Variants in TRIO observed in about 807,000 individuals in gnomAD.
TRIO encodes trio Rho guanine nucleotide exchange factor, also known as triple functional domain protein.
TRIO carries 58 observed loss-of-function variants against 351.9 expected under a neutral mutation model. The ratio of observed to expected loss-of-function variants is 0.16; its 90% CI spans 0.13 to 0.21. The LOEUF is 0.21. Among genes scored for constraint, TRIO ranks in the 10% least tolerant of loss-of-function variants. The pLI, the probability that TRIO is intolerant of heterozygous loss-of-function variation, is 1.00. For missense variants in TRIO, 3,201 were observed against 4,027.8 expected (o/e 0.79, Z 5.56); for synonymous variants, 1,758 against 1,595.7 (o/e 1.10, Z -2.42).
chr5:14,183,875 A>T, intron 1 of TRIO: 1 of 684,944 alleles, frequency 1.5e-6, no homozygotes, highest in East Asian at 2.8e-5. Context: ...TTTGGCAGAT[A>T]GTGACTGTTT....
At chr5:14,169,060 A>C (rs1788947180) in intron 1 of TRIO, among the ~76,000 whole-genome samples, 1 of 152,092 alleles carries the variant, frequency 6.6e-6, no homozygotes, top group Non-Finnish European at 1.5e-5. Flanking sequence ...TTGCTTTTTA[A>C]TTGGGTTATT....
intron 8 of TRIO, among the ~76,000 whole-genome samples, chr5:14,305,415 G>C (rs761080158): frequency 9.8e-5 from 15 of 152,290 alleles, no homozygotes; most frequent in Non-Finnish European, 1.9e-4. Flanking sequence ...GAAGGCGAGG[G>C]GTGTAGAGAG....
At chr5:14,252,249 T>C (rs1794787586) in intron 1 of TRIO, among the ~76,000 whole-genome samples, 1 of 152,244 alleles carries the variant, frequency 6.6e-6, no homozygotes, top group Non-Finnish European at 1.5e-5. Flanking sequence ...CAGTTGCTTT[T>C]CCTTCCTGAT....
intron 9 of TRIO, among the ~76,000 whole-genome samples, chr5:14,324,922 C>T (rs1740231757): frequency 1.3e-5 from 2 of 152,050 alleles, no homozygotes. Context: ...ATGTAAGTAC[C>T]CTCAGGTTAG....
At chr5:14,187,967 G>T (rs1309366519) in intron 1 of TRIO, among the ~76,000 whole-genome samples, 1 of 152,200 alleles carries the variant, frequency 6.6e-6, no homozygotes, top group Non-Finnish European at 1.5e-5. Flanking sequence ...AGACCCTGCT[G>T]TATTAAATGT....
chr5:14,187,531 A>G (rs1467802163), intron 1 of TRIO, among the ~76,000 whole-genome samples: 1 of 152,150 alleles, frequency 6.6e-6, no homozygotes, highest in Non-Finnish European at 1.5e-5. Flanking sequence ...TTTGAAAACC[A>G]TTGTACCGAG....
chr5:14,415,104 T>G (rs988777251), intron 33 of TRIO, among the ~76,000 whole-genome samples: 2 of 152,184 alleles, frequency 1.3e-5, no homozygotes, highest in Non-Finnish European at 1.5e-5. Context: ...TGAACTGTAG[T>G]GGGCTGTAGG....
chr5:14,152,575 T>G (rs907943180), intron 1 of TRIO, among the ~76,000 whole-genome samples: 6 of 152,202 alleles, frequency 3.9e-5, no homozygotes, highest in African/African-American at 1.2e-4. Context: ...TTTCACCATC[T>G]TGGCCAGGCT....
intron 1 of TRIO, among the ~76,000 whole-genome samples, chr5:14,244,710 A>G (rs1447249590): frequency 1.3e-5 from 2 of 152,226 alleles, no homozygotes; most frequent in Non-Finnish European, 2.9e-5. Context: ...CGTAGCCCAC[A>G]GCGGCAAGAA....
chr5:14,167,490 A>G (rs1232195816), intron 1 of TRIO, among the ~76,000 whole-genome samples: 5 of 152,214 alleles, frequency 3.3e-5, no homozygotes, highest in Non-Finnish European at 5.9e-5. Context: ...GATTGTTTCT[A>G]TAAAGCAGGA....
chr5:14,291,703 C>T (rs533802278), intron 5 of TRIO, among the ~76,000 whole-genome samples: 5 of 147,688 alleles, frequency 3.4e-5, no homozygotes, highest in African/African-American at 7.6e-5. Flanking sequence ...GCAGGAGAAT[C>T]GCTTGAACCC....
At chr5:14,166,313 G>A (rs143624664) in intron 1 of TRIO, among the ~76,000 whole-genome samples, 2 of 152,188 alleles carry the variant, frequency 1.3e-5, no homozygotes, top group East Asian at 3.9e-4. Flanking sequence ...ACTTAGTGGG[G>A]TCTCTTGACA....
intron 2 of TRIO, among the ~76,000 whole-genome samples, chr5:14,278,759 T>C (rs570406579): frequency 1.5e-3 from 235 of 152,324 alleles, no homozygotes; most frequent in African/African-American, 5.3e-3. Context: ...AGAAGATCAG[T>C]TGATAATGAG....
intron 36 of TRIO, 70 bp from the exon 37 acceptor site, chr5:14,465,475 A>G (rs1754182803): frequency 6.8e-7 from 1 of 1,468,662 alleles, no homozygotes; most frequent in Admixed American, 1.7e-5. Context: ...TTGCAGGGGA[A>G]TTTACTGTCT....
chr5:14,281,424 A>ACCCCCCCCCCCCCCCCCCCCCC (rs3061076), intron 3 of TRIO, among the ~76,000 whole-genome samples: 2 of 89,334 alleles, frequency 2.2e-5, no homozygotes, highest in African/African-American at 9.4e-5. Context: ...AGCCGTTAGA[A>ACCCCCCCCCCCCCCCCCCCCCC]CCCCCCCCCC....
intron 1 of TRIO, among the ~76,000 whole-genome samples, chr5:14,201,808 G>T (rs1791127143): frequency 1.3e-5 from 2 of 152,060 alleles, no homozygotes; most frequent in Admixed American, 6.6e-5. Flanking sequence ...AAAAATCTGG[G>T]CCCCAAGAAA....
At chr5:14,327,901 G>T (rs1167425262) in intron 9 of TRIO, among the ~76,000 whole-genome samples, 1 of 152,240 alleles carries the variant, frequency 6.6e-6, no homozygotes, top group East Asian at 1.9e-4. Flanking sequence ...GAATGGACCT[G>T]TGTTTTATAA....
chr5:14,215,286 A>G (rs1319816753), intron 1 of TRIO, among the ~76,000 whole-genome samples: 2 of 152,236 alleles, frequency 1.3e-5, no homozygotes, highest in African/African-American at 2.4e-5. Flanking sequence ...AGTTGCTTCT[A>G]CTACATTTCT....
intron 43 of TRIO, among the ~76,000 whole-genome samples, chr5:14,480,413 C>T (rs1002909191): frequency 2.6e-5 from 4 of 152,180 alleles, no homozygotes; most frequent in Non-Finnish European, 5.9e-5. Context: ...TCCCCCACCA[C>T]AGACCTTGGA....
Sources: allele counts gnomAD v4.1 joint callset (sites outside exome capture counted in the v4.1 genomes callset), GRCh38; gene constraint gnomAD v4.1.1; transcripts MANE v1.5; gene names NCBI Gene and HGNC (gene_info 2026-07-23, HGNC 2026-07-21).